Variants in DSCAM observed in about 807,000 individuals in gnomAD.
DSCAM encodes the protein cell adhesion molecule DSCAM.
DSCAM carries 47 observed loss-of-function variants against 217.7 expected under a neutral mutation model. The observed-to-expected ratio is 0.22, with a 90% CI of 0.17 to 0.28. DSCAM has a LOEUF of 0.28. DSCAM is among the 10% of genes least tolerant of loss of function. The probability of loss-of-function intolerance (pLI) is 1.00; values close to 1 mark genes in which losing one functional copy is unlikely to be tolerated. For missense variants in DSCAM, 2,080 were observed against 2,618.3 expected (o/e 0.79, Z 4.49); for synonymous variants, 1,056 against 1,015.3 (o/e 1.04, Z -0.76).
chr21:40,830,036 T>C (rs2092000123), intron 1 of DSCAM, among the ~76,000 whole-genome samples: 1 of 152,224 alleles, frequency 6.6e-6, no homozygotes, highest in Non-Finnish European at 1.5e-5. Context: ...GTTTTCCAGA[T>C]AAGCATGGCC....
At chr21:40,328,864 A>G (rs572650501) in intron 8 of DSCAM, among the ~76,000 whole-genome samples, 3 of 152,372 alleles carry the variant, frequency 2.0e-5, no homozygotes, top group Admixed American at 2.0e-4. Context: ...GAACCTGAAT[A>G]AACATTTCTC....
At chr21:40,554,436 T>C (rs1163484774) in intron 3 of DSCAM, among the ~76,000 whole-genome samples, 2 of 152,160 alleles carry the variant, frequency 1.3e-5, no homozygotes, top group African/African-American at 2.4e-5. Context: ...AGTTCTTCTG[T>C]GGACCTAGCC....
chr21:40,357,398 A>G (rs1419902551), intron 4 of DSCAM, among the ~76,000 whole-genome samples: 3 of 152,320 alleles, frequency 2.0e-5, no homozygotes, highest in Non-Finnish European at 4.4e-5. Context: ...GTCTGCATCC[A>G]TGTTACTGGA....
chr21:40,032,325 C>A (rs1451416765), intron 32 of DSCAM, among the ~76,000 whole-genome samples: 1 of 152,162 alleles, frequency 6.6e-6, no homozygotes, highest in Non-Finnish European at 1.5e-5. Flanking sequence ...TTATTCAGAT[C>A]TACTTTATTT....
At chr21:40,824,419 T>C (rs2091952374) in intron 1 of DSCAM, among the ~76,000 whole-genome samples, 3 of 149,724 alleles carry the variant, frequency 2.0e-5, no homozygotes, top group South Asian at 2.1e-4. Flanking sequence ...TTTTTTTTTT[T>C]TGGAGACAGA....
At chr21:40,480,653 C>T (rs1032253596) in intron 3 of DSCAM, among the ~76,000 whole-genome samples, 1 of 152,156 alleles carries the variant, frequency 6.6e-6, no homozygotes, top group African/African-American at 2.4e-5. Flanking sequence ...GACGCTGTTG[C>T]TACTGAAGGT....
intron 24 of DSCAM, among the ~76,000 whole-genome samples, chr21:40,081,044 T>G (rs939429971): frequency 1.3e-5 from 2 of 152,164 alleles, no homozygotes; most frequent in African/African-American, 4.8e-5. Context: ...CAGTGACGAC[T>G]CTCCCACAGA....
At chr21:40,703,641 T>C (rs2090681310) in intron 2 of DSCAM, among the ~76,000 whole-genome samples, 1 of 152,224 alleles carries the variant, frequency 6.6e-6, no homozygotes, top group African/African-American at 2.4e-5. Flanking sequence ...CTGTAGCTGC[T>C]TTTGATATTT....
At chr21:40,166,101 C>T (rs1455186968) in intron 16 of DSCAM, among the ~76,000 whole-genome samples, 1 of 152,154 alleles carries the variant, frequency 6.6e-6, no homozygotes, top group Non-Finnish European at 1.5e-5. Context: ...TCCGCCCCAA[C>T]AATGAAAATC....
intron 1 of DSCAM, among the ~76,000 whole-genome samples, chr21:40,826,180 G>A (rs2091967448): frequency 1.3e-5 from 2 of 152,246 alleles, no homozygotes; most frequent in Admixed American, 1.3e-4. Context: ...TTTAGATCAG[G>A]TGGTCAGGGA....
At chr21:40,536,237 C>A (rs1051512095) in intron 3 of DSCAM, among the ~76,000 whole-genome samples, 1 of 152,108 alleles carries the variant, frequency 6.6e-6, no homozygotes, top group Non-Finnish European at 1.5e-5. Flanking sequence ...TGAGTTGTGA[C>A]CCCCTAAATT....
chr21:40,792,797 C>A (rs1452710716), intron 1 of DSCAM, among the ~76,000 whole-genome samples: 1 of 152,106 alleles, frequency 6.6e-6, no homozygotes, highest in African/African-American at 2.4e-5. Flanking sequence ...TGGGCTGAGA[C>A]CATCCGTTTT....
chr21:40,253,128 T>C (rs2073327005), intron 11 of DSCAM, among the ~76,000 whole-genome samples: 1 of 152,188 alleles, frequency 6.6e-6, no homozygotes, highest in South Asian at 2.1e-4. Flanking sequence ...CGATGATGCC[T>C]AAGTTTCCAT....
chr21:40,646,097 A>G, intron 3 of DSCAM, among the ~76,000 whole-genome samples: 1 of 152,180 alleles, frequency 6.6e-6, no homozygotes, highest in East Asian at 1.9e-4. Context: ...AGAAAGACAC[A>G]GGGTGGAACA....
In DSCAM at chr21:40,628,692, GCTATCTATCTATCTATCTATCTATCTAT is replaced by G. The variant is rs60453786; in HGVS notation, c.508+64090_508+64117del. Among the ~76,000 whole-genome samples, 722 of 149,766 alleles carry G rather than the reference GCTATCTATCTATCTATCTATCTATCTAT, an allele frequency of 4.8e-3. 5 individuals carry two copies. Among genetic ancestry groups the G allele is most frequent in the Non-Finnish European group, 7.0e-3 (471 of 67,692 alleles). On this transcript the variant is annotated intron_variant, in intron 3 of 32. Transcript: ENST00000400454. ...AGAATGGTCCATGGTATAAGCACTT[GCTATCTATCTATCTATCTATCTATCTAT>G]CTATCTATCTATCTATCTATCTATC...
intron 3 of DSCAM, among the ~76,000 whole-genome samples, chr21:40,391,419 G>T (rs1180365287): frequency 6.6e-6 from 1 of 152,232 alleles, no homozygotes; most frequent in African/African-American, 2.4e-5. Flanking sequence ...AAAGAATGCA[G>T]ATTGAGAAGA....
intron 3 of DSCAM, among the ~76,000 whole-genome samples, chr21:40,573,269 T>C (rs536072326): frequency 1.3e-5 from 2 of 151,396 alleles, no homozygotes; most frequent in Non-Finnish European, 2.9e-5. Context: ...ACCCGGGAGG[T>C]GGAGCTTGCA....
chr21:40,361,720 G>C (rs1296176678), intron 4 of DSCAM, among the ~76,000 whole-genome samples: 1 of 152,066 alleles, frequency 6.6e-6, no homozygotes, highest in Non-Finnish European at 1.5e-5. Flanking sequence ...TAAAAATACG[G>C]TTTTGTTACA....
At chr21:40,614,224 A>T (rs2089356422) in intron 3 of DSCAM, among the ~76,000 whole-genome samples, 1 of 152,218 alleles carries the variant, frequency 6.6e-6, no homozygotes, top group African/African-American at 2.4e-5. Flanking sequence ...TGCAGGCTGT[A>T]GACCACCCTA....
Sources: gnomAD v4.1 joint callset for allele counts (sites outside exome capture counted in the v4.1 genomes callset) on GRCh38, gnomAD v4.1.1 for gene constraint, MANE v1.5 for transcripts, NCBI Gene and HGNC (gene_info 2026-07-23, HGNC 2026-07-21) for gene names.